The following PCDHA10 variants were observed in gnomAD, a reference collection of about 807,000 sequenced individuals.
PCDHA10 encodes the protein protocadherin alpha-10.
Under a neutral mutation model 61.2 loss-of-function variants are expected in PCDHA10, and 45 were observed. The observed-to-expected ratio is 0.74, with a 90% CI of 0.58 to 0.94. The LOEUF (loss-of-function observed/expected upper bound fraction) is 0.94, where lower values mean the gene tolerates loss of function less well. Ranked by LOEUF, PCDHA10 falls within the 40% of genes least tolerant of loss-of-function variation. The probability of loss-of-function intolerance (pLI) is 0.00; values close to 1 mark genes in which losing one functional copy is unlikely to be tolerated. For missense variants in PCDHA10, 1,278 were observed against 1,236.2 expected, an observed-to-expected ratio of 1.03 and a Z score of -0.51; for synonymous variants, 602 against 548.8, an observed-to-expected ratio of 1.10 and a Z score of -1.35.
At chr5:140,877,391 C>T (rs782042077) in intron 1 of PCDHA10, 21 of 1,613,950 alleles carry the variant, frequency 1.3e-5, no homozygotes, top group Non-Finnish European at 1.8e-5. Flanking sequence ...CTGGATGAGG[C>T]GGACGCTCCG....
intron 1 of PCDHA10, among the ~76,000 whole-genome samples, chr5:140,899,678 G>C (rs1554188694): frequency 6.6e-6 from 1 of 152,210 alleles, no homozygotes; most frequent in Non-Finnish European, 1.5e-5. Flanking sequence ...TTGGTATCAG[G>C]ATGATGCTGG....
rs781985413 is a variant in PCDHA10, at chr5:140,857,290, C to A, written c.1242C>A (p.Arg414=). The change falls in exon 1 of 4, where the codon CGC becomes CGA. Residue 414 remains arginine (R), a synonymous_variant. Transcript: ENST00000307360. ...YSLVLDSALD[R]ERVSAYELVV... ...TGGTGCTGGACAGCGCTCTGGACCGCGAGAGGGTGTCGGCCTATGAGCTGG... is the reference window on the plus strand; with the variant it reads ...TGGTGCTGGACAGCGCTCTGGACCGAGAGAGGGTGTCGGCCTATGAGCTGG... 2 of 1,598,706 alleles carry A rather than the reference C, an allele frequency of 1.3e-6. No individual in the cohort carries two copies. Among genetic ancestry groups the A allele is most frequent in the South Asian group, 1.1e-5 (1 of 90,548 alleles).
chr5:140,870,825 C>A (rs1554164734), intron 1 of PCDHA10: 6 of 1,613,726 alleles, frequency 3.7e-6, no homozygotes, highest in East Asian at 2.2e-5. Flanking sequence ...GCGCGGGAGG[C>A]GCAGTTAACA....
Position 140,974,355 on chromosome 5 carries a change from C to T in PCDHA10, c.2389-4594C>T, listed in dbSNP as rs113314336. Among the ~76,000 whole-genome samples the T allele has an allele frequency of 6.8e-3, 1,038 of 152,272 alleles. 15 individuals are homozygous for T. The highest frequency in any genetic ancestry group is 0.024 in the African/African-American group (1,003 of 41,550). ...AGCAGGCTATGCATCCAGAACTAAA[C>T]AGACCTAGCACTTTCTGTTGTACTG... is the stretch of plus-strand genomic sequence containing the variant. On this transcript the variant is annotated intron_variant, in intron 1 of 3. Transcript: ENST00000307360.
At position 140,957,203 on chromosome 5, in the gene PCDHA10, A is replaced by T. The variant is rs921844658; in HGVS notation, c.2389-21746A>T. 3.3e-5 allele frequency among the ~76,000 whole-genome samples: 5 copies of T among 152,184 alleles called. 1 individual carries two copies. In the South Asian group the frequency reaches 6.2e-4, roughly 19 times the overall value. ...TATTGATGACCGATTGGGAATATAAATAGGCACAAAAATTTGGCGAAGCAT... is the reference window on the plus strand; with the variant it reads ...TATTGATGACCGATTGGGAATATAATTAGGCACAAAAATTTGGCGAAGCAT... On this transcript the variant is annotated intron_variant, in intron 1 of 3. Transcript: ENST00000307360.
intron 1 of PCDHA10, among the ~76,000 whole-genome samples, chr5:140,900,485 C>T (rs577392455): frequency 6.6e-5 from 10 of 152,310 alleles, no homozygotes; most frequent in African/African-American, 2.2e-4. Flanking sequence ...CCATGTTGGT[C>T]AGACTGGTCT....
intron 1 of PCDHA10, chr5:140,864,380 A>C (rs1581715525): frequency 6.6e-6 from 1 of 152,354 alleles, no homozygotes; most frequent in East Asian, 1.9e-4. Flanking sequence ...CGATAAGTTT[A>C]TCTCTCACAA....
chr5:140,968,488 C>A, intron 1 of PCDHA10: 1 of 1,614,148 alleles, frequency 6.2e-7, no homozygotes, highest in South Asian at 1.1e-5. Context: ...ACATGAATGA[C>A]CATGCCCCTC....
chr5:140,883,222 A>T lies in PCDHA10; in HGVS notation c.2388+24786A>T, dbSNP rs1164969110. ...TCGAAGAAAAGAAATTATATGAAATATCCGTGGAGGCAGTTGACAAAGGAA... is the reference window on the plus strand; with the variant it reads ...TCGAAGAAAAGAAATTATATGAAATTTCCGTGGAGGCAGTTGACAAAGGAA... On this transcript the variant is annotated intron_variant, in intron 1 of 3. Transcript: ENST00000307360. 8.7e-6 allele frequency: 14 copies of T among 1,613,970 alleles called. No homozygotes were observed. The African/African-American group carries it at 1.7e-4, about 20-fold the overall frequency.
At chr5:140,864,663 C>G (rs75209206) in intron 1 of PCDHA10, 1 of 152,176 alleles carries the variant, frequency 6.6e-6, no homozygotes, top group African/African-American at 2.4e-5. Flanking sequence ...ACTTAATTAC[C>G]TGTTGACTTA....
At position 140,869,199 on chromosome 5, in the gene PCDHA10, C is replaced by G. The variant is rs1315511579; in HGVS notation, c.2388+10763C>G. 8 of 1,613,906 alleles carry G rather than the reference C, an allele frequency of 5.0e-6. No individual in the cohort carries two copies. In the African/African-American group the frequency reaches 1.1e-4, roughly 22 times the overall value. On this transcript the variant is annotated intron_variant, in intron 1 of 3. Coordinates refer to ENST00000307360, the MANE Select transcript of PCDHA10 (RefSeq NM_018901.4). The stretch of plus-strand genomic sequence containing the variant: ...GGGAGGTGGGGAGCGGCCAGCTCCA[C>G]TACTCCGTCTCGGAGGAGGCCAAAC...
At chr5:140,922,016 AT>A (rs1213488839) in intron 1 of PCDHA10, among the ~76,000 whole-genome samples, 20 of 152,076 alleles carry the variant, frequency 1.3e-4, no homozygotes, top group Admixed American at 1.2e-3. Flanking sequence ...GTTTAAAAAA[AT>A]AAATATAAAA....
In PCDHA10 at chr5:140,968,374, C is replaced by T. The variant is rs782537254; in HGVS notation, c.2389-10575C>T. On this transcript the variant is annotated intron_variant, in intron 1 of 3. Coordinates refer to ENST00000307360, the MANE Select transcript of PCDHA10 (RefSeq NM_018901.4). ...GTGGCAGCCTTTATGCTGTCAACTC[C>T]TTTGACTATGAGAAGTTTCGGGAGT... is the stretch of plus-strand genomic sequence containing the variant. 5.0e-6 allele frequency: 8 copies of T among 1,614,064 alleles called. No homozygotes were observed. The Admixed American group carries it at 1.0e-4, about 20-fold the overall frequency.
In PCDHA10 at chr5:140,857,564, T is replaced by C. The variant is rs1254291079; in HGVS notation, c.1516T>C (p.Tyr506His). 1 of 1,596,742 alleles carries C rather than the reference T, an allele frequency of 6.3e-7. No homozygotes were observed. The highest frequency in any genetic ancestry group is 1.3e-5 in the African/African-American group (1 of 74,340). The part of the protein sequence containing the change: ...RRLGERSLSS[Y>H]VSVHAESGKV... ...GTTGGGCGAGCGCTCGCTGTCGAGC[T>C]ACGTGTCGGTGCACGCGGAGAGCGG... The change falls in exon 1 of 4, where the codon TAC (tyrosine) becomes CAC (histidine). Residue 506 changes from tyrosine (Y) to histidine (H), a missense_variant. Coordinates refer to ENST00000307360, the MANE Select transcript of PCDHA10 (RefSeq NM_018901.4).
rs782167817 is a variant in PCDHA10 at position 140,875,512 on chromosome 5, C to G, written c.2388+17076C>G. Reference sequence around the variant, plus strand: ...ACCAAGAGGCCCGGGATCCCAGCGTCTGCTGCTCTCGCTTCTGCTCCTTGC... The same window carrying G: ...ACCAAGAGGCCCGGGATCCCAGCGTGTGCTGCTCTCGCTTCTGCTCCTTGC... On this transcript the variant is annotated intron_variant, in intron 1 of 3. Coordinates refer to ENST00000307360, the MANE Select transcript of PCDHA10 (RefSeq NM_018901.4). 3 of 1,613,928 alleles carry G rather than the reference C, an allele frequency of 1.9e-6. No individual in the cohort carries two copies. The East Asian group carries it at 6.7e-5, about 36-fold the overall frequency.
intron 1 of PCDHA10, among the ~76,000 whole-genome samples, chr5:140,976,124 C>G (rs1554237320): frequency 6.6e-6 from 1 of 152,158 alleles, no homozygotes. Flanking sequence ...CAAGTTTAAT[C>G]AAGTTCTGGA....
chr5:140,900,496 C>G (rs1476220010), intron 1 of PCDHA10, among the ~76,000 whole-genome samples: 2 of 152,212 alleles, frequency 1.3e-5, no homozygotes, highest in Admixed American at 6.5e-5. Flanking sequence ...AGACTGGTCT[C>G]AAATTCCCAG....
intron 3 of PCDHA10, among the ~76,000 whole-genome samples, chr5:140,991,068 T>A (rs1563570560): frequency 6.6e-6 from 1 of 152,216 alleles, no homozygotes; most frequent in Admixed American, 6.5e-5. Flanking sequence ...ATTATTCCCA[T>A]GTTTCAGATA....
At chr5:140,971,487 C>T (rs1285006281) in intron 1 of PCDHA10, among the ~76,000 whole-genome samples, 1 of 152,110 alleles carries the variant, frequency 6.6e-6, no homozygotes, top group African/African-American at 2.4e-5. Flanking sequence ...CACATTGTTA[C>T]AGTGTGGCAA....
Sources: allele counts gnomAD v4.1 joint callset (sites outside exome capture counted in the v4.1 genomes callset), GRCh38; gene constraint gnomAD v4.1.1; transcripts MANE v1.5; gene names NCBI Gene and HGNC (gene_info 2026-07-23, HGNC 2026-07-21).